The following TCEA3 variants were observed in gnomAD, a reference collection of about 807,000 sequenced individuals.
TCEA3 encodes transcription elongation factor A protein 3.
TCEA3 carries 36 observed loss-of-function variants against 44.0 expected under a neutral mutation model. The observed-to-expected ratio is 0.82, with a 90% CI of 0.63 to 1.08. The LOEUF (loss-of-function observed/expected upper bound fraction) is 1.08, where lower values mean the gene tolerates loss of function less well. Ranked by LOEUF, TCEA3 falls within the 50% of genes least tolerant of loss-of-function variation. The pLI, the probability that TCEA3 is intolerant of heterozygous loss-of-function variation, is 0.00. For missense variants in TCEA3, 392 were observed against 441.2 expected, an observed-to-expected ratio of 0.89 and a Z score of 1.00; for synonymous variants, 162 against 159.7, an observed-to-expected ratio of 1.01 and a Z score of -0.11.
intron 7 of TCEA3, among the ~76,000 whole-genome samples, chr1:23,395,485 A>G (rs994013226): frequency 3.9e-5 from 6 of 152,232 alleles, no homozygotes; most frequent in Non-Finnish European, 7.3e-5. Flanking sequence ...GGCTAAAAAC[A>G]AAGAGCTAAA....
At position 23,419,135 on chromosome 1, in the gene TCEA3, C is replaced by G; in HGVS notation, c.74G>C (p.Gly25Ala). ...EKMVARKNTE[G>A]ALDLLKKLHS... ...CAGCTTCTTCAGAAGGTCCAGGGCCCCTTCCTGTGGGAGGCCACAAGGTGA... is the reference window on the plus strand; with the variant it reads ...CAGCTTCTTCAGAAGGTCCAGGGCCGCTTCCTGTGGGAGGCCACAAGGTGA... The change falls in exon 2 of 11, where the codon GGG (glycine) becomes GCG (alanine). Residue 25 changes from glycine to alanine, a missense_variant. Coordinates refer to ENST00000450454, the MANE Select transcript of TCEA3 (RefSeq NM_003196.3). 6.3e-7 allele frequency: 1 copy of G among 1,593,890 alleles called. No homozygotes were observed. Among genetic ancestry groups the G allele is most frequent in the South Asian group, 1.1e-5 (1 of 87,020 alleles).
In TCEA3 at chr1:23,419,060, TC is replaced by T; in HGVS notation, c.132+16del. The T allele has an allele frequency of 1.2e-6, 1 of 863,570 alleles. No individual in the cohort carries two copies. Among genetic ancestry groups the T allele is most frequent in the Non-Finnish European group, 1.7e-6 (1 of 593,274 alleles). The allele number at this position is 863,570 out of a possible 1,614,324, so 53.5% of individuals were successfully genotyped here. A position where few individuals can be genotyped will look rare whatever the true frequency, so the allele number is the denominator to read the frequency against. On this transcript the variant is annotated intron_variant, in intron 2 of 10. Coordinates refer to ENST00000450454, the MANE Select transcript of TCEA3 (RefSeq NM_003196.3). ...TCCCCCCAGGCACTGTCCCAAGGCT[TC>T]CCACCCCCGCCCCACCTGTAGTAGC...
chr1:23,412,477 C>A (rs1277620215), intron 4 of TCEA3, among the ~76,000 whole-genome samples: 1 of 149,266 alleles, frequency 6.7e-6, no homozygotes, highest in Non-Finnish European at 1.5e-5. Flanking sequence ...CTGAGGTGGG[C>A]GGATCACTTG....
chr1:23,421,701 AG>A (rs1640071239), intron 1 of TCEA3, among the ~76,000 whole-genome samples: 1 of 152,254 alleles, frequency 6.6e-6, no homozygotes, highest in Non-Finnish European at 1.5e-5. Context: ...CATACATGAC[AG>A]TACAATGTAG....
intron 4 of TCEA3, 118 bp downstream of exon 4, chr1:23,417,131 A>G (rs1639914948): frequency 2.9e-5 from 38 of 1,304,066 alleles, no homozygotes; most frequent in Non-Finnish European, 3.8e-5. Flanking sequence ...ACTGCAGGAG[A>G]TAATACCAAT....
intron 9 of TCEA3, among the ~76,000 whole-genome samples, 155 bp from the exon 10 acceptor site, chr1:23,384,572 A>G (rs1638768252): frequency 6.6e-6 from 1 of 150,680 alleles, no homozygotes; most frequent in Non-Finnish European, 1.5e-5. Context: ...ACTCCATAAT[A>G]TTAGTATTAT....
intron 5 of TCEA3, among the ~76,000 whole-genome samples, chr1:23,398,725 C>T (rs952279065): frequency 2.0e-5 from 3 of 152,114 alleles, no homozygotes; most frequent in African/African-American, 7.2e-5. Flanking sequence ...TTTGAATCCA[C>T]ATCTGTCTAA....
intron 7 of TCEA3, among the ~76,000 whole-genome samples, chr1:23,396,485 C>T (rs767073830): frequency 6.6e-6 from 1 of 152,110 alleles, no homozygotes; most frequent in Non-Finnish European, 1.5e-5. Flanking sequence ...CACAAGGCCC[C>T]TTTCAGGTGA....
At chr1:23,404,550 G>T (rs1315332007) in intron 5 of TCEA3, among the ~76,000 whole-genome samples, 6 of 152,086 alleles carry the variant, frequency 3.9e-5, no homozygotes. Flanking sequence ...AGAAGGGAGA[G>T]GTGATGAGTT....
intron 10 of TCEA3, chr1:23,383,918 T>G (rs1254737402): frequency 9.9e-7 from 1 of 1,013,526 alleles, no homozygotes; most frequent in Non-Finnish European, 1.2e-6. Context: ...GTTCAACTCC[T>G]TTCTGACAGG....
At position 23,382,653 on chromosome 1, in the gene TCEA3, C is replaced by T. The variant is rs377761587; in HGVS notation, c.1039-1179G>A. On this transcript the variant is annotated intron_variant, in intron 10 of 10. Transcript: ENST00000450454. ...TTGACAAAGATGCCATATGAGCTCTCAGAGGCTCTGTTAATGCTTTATGTG... is the reference window on the plus strand; with the variant it reads ...TTGACAAAGATGCCATATGAGCTCTTAGAGGCTCTGTTAATGCTTTATGTG... 1.1e-4 allele frequency among the ~76,000 whole-genome samples: 17 copies of T among 152,334 alleles called. No homozygotes were observed. The East Asian group carries it at 1.9e-3, about 17-fold the overall frequency.
chr1:23,411,960 A>G (rs1328486023), intron 4 of TCEA3: 1 of 152,200 alleles, frequency 6.6e-6, no homozygotes, highest in African/African-American at 2.4e-5. Flanking sequence ...TTGCTTCTGT[A>G]AGCCTGCTTG....
chr1:23,411,303 C>G (rs1056176800), intron 4 of TCEA3, among the ~76,000 whole-genome samples: 2 of 152,084 alleles, frequency 1.3e-5, no homozygotes, highest in African/African-American at 2.4e-5. Context: ...ATTACAGGCA[C>G]GCGCCACCAT....
intron 7 of TCEA3, among the ~76,000 whole-genome samples, chr1:23,394,679 C>T (rs1639165211): frequency 6.6e-6 from 1 of 152,240 alleles, no homozygotes; most frequent in Non-Finnish European, 1.5e-5. Context: ...GTTACCATCC[C>T]ATGGAACCCA....
intron 5 of TCEA3, chr1:23,403,758 G>T: frequency 3.9e-6 from 1 of 254,818 alleles, no homozygotes; most frequent in East Asian, 7.5e-5. Context: ...GTCTTTAAAA[G>T]AGAGGTTTCC....
intron 5 of TCEA3, among the ~76,000 whole-genome samples, chr1:23,402,055 T>C: frequency 6.6e-6 from 1 of 152,182 alleles, no homozygotes; most frequent in Non-Finnish European, 1.5e-5. Flanking sequence ...AAAGTAAAAC[T>C]CCTGGCCGGG....
At chr1:23,414,947 T>C (rs1360027567) in intron 4 of TCEA3, among the ~76,000 whole-genome samples, 1 of 151,998 alleles carries the variant, frequency 6.6e-6, no homozygotes, top group African/African-American at 2.4e-5. Flanking sequence ...CTTTCTGCTT[T>C]TTCATTGTTA....
At chr1:23,399,803 G>A (rs1011299583) in intron 5 of TCEA3, among the ~76,000 whole-genome samples, 1 of 151,764 alleles carries the variant, frequency 6.6e-6, no homozygotes, top group Non-Finnish European at 1.5e-5. Flanking sequence ...AGCCTACCTA[G>A]AAGCTGGGAT....
chr1:23,423,389 T>C (rs967524442), intron 1 of TCEA3, among the ~76,000 whole-genome samples: 10 of 152,330 alleles, frequency 6.6e-5, no homozygotes, highest in Middle Eastern at 6.8e-3. Flanking sequence ...TAATCTCATC[T>C]CTTTCTTACA....
Sources: allele counts gnomAD v4.1 joint callset (sites outside exome capture counted in the v4.1 genomes callset), GRCh38; gene constraint gnomAD v4.1.1; transcripts MANE v1.5; gene names NCBI Gene and HGNC (gene_info 2026-07-23, HGNC 2026-07-21).